The following DDX5 variants were observed in gnomAD, a reference collection of about 807,000 sequenced individuals.
DDX5 encodes DEAD-box helicase 5.
Under a neutral mutation model 68.6 loss-of-function variants are expected in DDX5, and 6 were observed. The ratio of observed to expected loss-of-function variants is 0.09; its 90% CI spans 0.05 to 0.17. The LOEUF is 0.17. DDX5 is among the 10% of genes least tolerant of loss of function. DDX5 has a pLI of 1.00. For synonymous variants in DDX5, 350 were observed against 247.0 expected, an observed-to-expected ratio of 1.42 and a Z score of -3.91; for missense variants, 499 against 756.1, an observed-to-expected ratio of 0.66 and a Z score of 3.99.
rs561370578 is a variant in DDX5, at chr17:64,502,563, A to G, written c.984-14T>C. On this transcript the variant is annotated splice_polypyrimidine_tract_variant and intron_variant, in intron 8 of 12. Transcript: ENST00000225792. ...AGACGAATAAGTCTAATAATAGGAG[A>G]GAGAAAGGAAAAATCCTGAGTTTTA... 14 of 1,574,134 alleles carry G rather than the reference A, an allele frequency of 8.9e-6. No individual in the cohort carries two copies. In the Middle Eastern group the frequency reaches 1.0e-3, roughly 113 times the overall value.
chr17:64,506,543 A>C, upstream of DDX5: 1 of 525,690 alleles, frequency 1.9e-6, no homozygotes, highest in Non-Finnish European at 3.0e-6. Flanking sequence ...ACCTCAAGCA[A>C]GCCACCCCGC....
At chr17:64,502,758 A>ATGGTGACAGCCATTATT in intron 8 of DDX5, 168 bp downstream of exon 8, 1 of 773,292 alleles carries the variant, frequency 1.3e-6, no homozygotes, top group Admixed American at 3.0e-5. Flanking sequence ...AAAGCTATAA[A>ATGGTGACAGCCATTATT]TGGTGACAGC....
intron 8 of DDX5, 140 bp from the exon 9 acceptor site, chr17:64,502,689 G>A (rs1454222478): frequency 1.1e-5 from 8 of 733,818 alleles, no homozygotes; most frequent in East Asian, 2.7e-5. Context: ...TCCACTTATC[G>A]AGCAGTTCGA....
chr17:64,499,218 T>C lies in DDX5; in HGVS notation c.*705A>G, dbSNP rs1460179125. ...ATAAGTCTCTTGAAAAAGCCAGTTATTTGGAGCTTTTTAAATTATAAACTT... is the reference window on the plus strand; with the variant it reads ...ATAAGTCTCTTGAAAAAGCCAGTTACTTGGAGCTTTTTAAATTATAAACTT... On this transcript the variant is annotated 3_prime_UTR_variant, in exon 13 of 13. Coordinates refer to ENST00000225792, the MANE Select transcript of DDX5 (RefSeq NM_004396.5). 6.6e-6 allele frequency among the ~76,000 whole-genome samples: 1 copy of C among 152,204 alleles called. No individual in the cohort carries two copies. Among genetic ancestry groups the C allele is most frequent in the Non-Finnish European group, 1.5e-5 (1 of 68,014 alleles).
chr17:64,502,424 G>A lies in DDX5; in HGVS notation c.1094+15C>T, dbSNP rs781953419. On this transcript the variant is annotated intron_variant, in intron 9 of 12. Transcript: ENST00000225792. ...GTTTTAATCAATCTGCTTCAATGGAGGAGCTCACACATACCCATCTCTCCT... is the reference window on the plus strand; with the variant it reads ...GTTTTAATCAATCTGCTTCAATGGAAGAGCTCACACATACCCATCTCTCCT... 5.1e-6 allele frequency: 8 copies of A among 1,578,248 alleles called. No homozygotes were observed. Among genetic ancestry groups the A allele is most frequent in the Admixed American group, 1.7e-5 (1 of 59,816 alleles).
rs1555671299 is a variant in DDX5, at chr17:64,502,508, T to C, written c.1025A>G (p.Asn342Ser). The change falls in exon 9 of 13, where the codon AAT becomes AGT. Residue 342 changes from asparagine to serine, a missense_variant. Around this residue, in one of 5 missense-constraint regions of DDX5, gnomAD observed 141 missense variants for 279.8 expected, o/e 0.50. Coordinates refer to ENST00000225792, the MANE Select transcript of DDX5 (RefSeq NM_004396.5). ...GGTTTCCACAAAAACAATGGTTTTA[T>C]TCTCCTTCTCACTCATGATCTCTTC... ...LMEEIMSEKE[N>S]KTIVFVETKR... is the part of the protein sequence containing the mutation. The C allele has an allele frequency of 1.2e-6, 2 of 1,613,724 alleles. No individual in the cohort carries two copies. The highest frequency in any genetic ancestry group is 1.7e-5 in the Admixed American group (1 of 60,020).
Position 64,506,284 on chromosome 17 carries a change from T to G in DDX5, c.-165A>C. 4.6e-6 allele frequency: 7 copies of G among 1,525,530 alleles called. No individual in the cohort carries two copies. Among genetic ancestry groups the G allele is most frequent in the South Asian group, 1.2e-5 (1 of 83,128 alleles). The allele number at this position is 1,525,530 out of a possible 1,614,324, so 94.5% of individuals were successfully genotyped here. ...ACTACTAGAGACCGGTAGAAATGAA[T>G]GAGGTGCCGGCCGCTTTCCGGCAGC... is the stretch of plus-strand genomic sequence containing the variant. On this transcript the variant is annotated 5_prime_UTR_variant, in exon 1 of 13. Coordinates refer to ENST00000225792, the MANE Select transcript of DDX5 (RefSeq NM_004396.5).
chr17:64,503,642 C>T, intron 5 of DDX5, 71 bp from the exon 6 acceptor site: 1 of 1,584,830 alleles, frequency 6.3e-7, no homozygotes, highest in Admixed American at 1.8e-5. Context: ...ATTATACTAG[C>T]AGATCCTTTC....
At position 64,503,877 on chromosome 17, in the gene DDX5, G is replaced by A. The variant is rs782239666; in HGVS notation, c.442-9C>T. ...ATGGCAGGAAGCAAATACTATTTAG[G>A]GTGAAAGTGGGGACAAACAGAAATC... On this transcript the variant is annotated splice_polypyrimidine_tract_variant and intron_variant, in intron 4 of 12. Coordinates refer to ENST00000225792, the MANE Select transcript of DDX5 (RefSeq NM_004396.5). 16 of 1,613,994 alleles carry A rather than the reference G, an allele frequency of 9.9e-6. No individual in the cohort carries two copies. The highest frequency in any genetic ancestry group is 2.2e-5 in the East Asian group (1 of 44,896).
Position 64,500,028 on chromosome 17 carries a change from A to G in DDX5, c.1740T>C (p.Asn580=). 3 of 1,614,232 alleles carry G rather than the reference A, an allele frequency of 1.9e-6. No individual in the cohort carries two copies. The highest frequency in any genetic ancestry group is 2.5e-6 in the Non-Finnish European group (3 of 1,180,042). The part of the protein sequence containing the change: ...GYDSTQQYGS[N]VPNMHNGMNQ... ...TCATACCATTGTGCATATTTGGAAC[A>G]TTACTTCCGTATTGCTGAGTGCTAT... The change falls in exon 13 of 13, where the codon AAT becomes AAC. Residue 580 remains asparagine, a synonymous_variant. Coordinates refer to ENST00000225792, the MANE Select transcript of DDX5 (RefSeq NM_004396.5).
At position 64,506,206 on chromosome 17, in the gene DDX5, CCT is replaced by C. The variant is rs1555672615; in HGVS notation, c.-89_-88del. The C allele has an allele frequency of 6.4e-7, 1 of 1,566,842 alleles. No homozygotes were observed. The highest frequency in any genetic ancestry group is 2.3e-5 in the East Asian group (1 of 42,686). On this transcript the variant is annotated 5_prime_UTR_variant, in exon 1 of 13. Coordinates refer to ENST00000225792, the MANE Select transcript of DDX5 (RefSeq NM_004396.5). ...GGAAATGGCCTCGATGACGGCGAAG[CCT>C]TGCGGGGGCGGCAGCGGAGGAAGGA...
In DDX5 at chr17:64,503,335, A is replaced by G. The variant is rs1568103569; in HGVS notation, c.663T>C (p.Cys221=). The G allele has an allele frequency of 6.2e-7, 1 of 1,614,230 alleles. No individual in the cohort carries two copies. Among genetic ancestry groups the G allele is most frequent in the Non-Finnish European group, 8.5e-7 (1 of 1,180,032 alleles). ...CAATCAGTCTTCCAGGTGTTGCAATACAGATTTCCACACCTTTAATTAAAT... is the reference window on the plus strand; with the variant it reads ...CAATCAGTCTTCCAGGTGTTGCAATGCAGATTTCCACACCTTTAATTAAAT... The part of the protein sequence containing the change: ...IRDLERGVEI[C]IATPGRLIDF... The change falls in exon 7 of 13, where the codon TGT becomes TGC. Residue 221 remains cysteine (C), a synonymous_variant. Coordinates refer to ENST00000225792, the MANE Select transcript of DDX5 (RefSeq NM_004396.5).
intron 5 of DDX5, 108 bp downstream of exon 5, chr17:64,503,695 G>C (rs782669121): frequency 6.6e-7 from 1 of 1,523,190 alleles, no homozygotes. Flanking sequence ...AGCTGAATAG[G>C]GTGAGCTAAC....
chr17:64,505,354 T>C (rs1388725693), intron 1 of DDX5: 2 of 421,334 alleles, frequency 4.7e-6, no homozygotes, highest in Non-Finnish European at 8.7e-6. Context: ...CAAACCCAGC[T>C]GGGGGAACGC....
chr17:64,502,103 T>C lies in DDX5; in HGVS notation c.1157-34A>G, dbSNP rs782277473. 4 of 1,613,876 alleles carry C rather than the reference T, an allele frequency of 2.5e-6. No individual in the cohort carries two copies. In the South Asian group the frequency reaches 4.4e-5, roughly 18 times the overall value. On this transcript the variant is annotated intron_variant, in intron 10 of 12. Coordinates refer to ENST00000225792, the MANE Select transcript of DDX5 (RefSeq NM_004396.5). ...GAAGGCATATACATGATCAATTATC[T>C]GAGCAGAATTCTAGCTAGGTTAAGT...
chr17:64,506,023 C>CCCCCCCCCCCCCCCCCCCCCCCCCCG, intron 1 of DDX5, 53 bp downstream of exon 1: 2 of 1,391,134 alleles, frequency 1.4e-6, no homozygotes, highest in South Asian at 1.2e-5. Flanking sequence ...CACCCTGACC[C>CCCCCCCCCCCCCCCCCCCCCCCCCCG]GCCCTCCCAT....
chr17:64,506,816 A>G (rs1320251346), upstream of DDX5: 1 of 578,948 alleles, frequency 1.7e-6, no homozygotes, highest in Admixed American at 3.0e-5. Flanking sequence ...GGACCGTCCG[A>G]CCCGCGTGTC....
At position 64,504,104 on chromosome 17, in the gene DDX5, T is replaced by G; in HGVS notation, c.320A>C (p.Asp107Ala). 1 of 1,614,082 alleles carries G rather than the reference T, an allele frequency of 6.2e-7. No individual in the cohort carries two copies. Among genetic ancestry groups the G allele is most frequent in the Non-Finnish European group, 8.5e-7 (1 of 1,179,960 alleles). The change falls in exon 4 of 13, where the codon GAT becomes GCT. Residue 107 changes from aspartate (D) to alanine (A), a missense_variant. By Grantham distance (126) the Asp-to-Ala change is moderately radical. Transcript: ENST00000225792. ...YEANFPANVMDVIARQNFTEP... is the reference protein window; with the variant it reads ...YEANFPANVMAVIARQNFTEP... ...AGTGAAATTCTGTCTTGCAATAACA[T>G]CCATGACATTTGCTATAATTAGTAA... is the stretch of plus-strand genomic sequence containing the variant.
In DDX5 at chr17:64,500,320, G is replaced by C. The variant is rs1362974306; in HGVS notation, c.1448C>G (p.Ser483Cys). 1.1e-5 allele frequency: 18 copies of C among 1,603,148 alleles called. No homozygotes were observed. Among genetic ancestry groups the C allele is most frequent in the Non-Finnish European group, 1.4e-5 (16 of 1,174,158 alleles). Residue 483 changes from serine (S) to cysteine (C), a missense_variant, in exon 13 of 13, where the codon TCC (serine) becomes TGC (cysteine). This residue lies in a region of DDX5 where 171 missense variants were observed against 174.8 expected (regional missense o/e 0.98). Transcript: ENST00000225792. ...QLVEDRGSGRSRGRGGMKDDR... is the reference protein window; with the variant it reads ...QLVEDRGSGRCRGRGGMKDDR... The stretch of plus-strand genomic sequence containing the variant: ...ATCCTTCATGCCTCCTCTACCCCTG[G>C]AACGACCTGTCAAGAAAACAATTGC...
Sources: allele counts gnomAD v4.1 joint callset (sites outside exome capture counted in the v4.1 genomes callset), GRCh38; gene constraint gnomAD v4.1.1; regional missense constraint gnomAD v4.1.1; transcripts MANE v1.5; gene names NCBI Gene and HGNC (gene_info 2026-07-23, HGNC 2026-07-21).